LDAH: variants seen among roughly 807,000 people sequenced by gnomAD.
LDAH encodes lipid droplet associated hydrolase.
A neutral mutation model predicts 29.6 loss-of-function variants in LDAH; 26 were observed. That is an observed-to-expected ratio of 0.88 (90% CI 0.64 to 1.22). LDAH has a LOEUF of 1.22. Among genes scored for constraint, LDAH ranks in the 50% most tolerant of loss-of-function variants. LDAH has a pLI of 0.00. For missense variants in LDAH, 344 were observed against 387.3 expected, an observed-to-expected ratio of 0.89 and a Z score of 0.94; for synonymous variants, 117 against 133.0, an observed-to-expected ratio of 0.88 and a Z score of 0.83.
intron 5 of LDAH, among the ~76,000 whole-genome samples, chr2:20,726,908 A>C (rs1270473899): frequency 6.6e-6 from 1 of 152,254 alleles, no homozygotes; most frequent in African/African-American, 2.4e-5. Flanking sequence ...TTTCTTTAGA[A>C]AAAATAAGAT....
At chr2:20,749,546 A>G (rs1273757169) in intron 4 of LDAH, among the ~76,000 whole-genome samples, 3 of 152,228 alleles carry the variant, frequency 2.0e-5, no homozygotes, top group Non-Finnish European at 4.4e-5. Context: ...TATAGGGCAC[A>G]CAGCACAGCC....
At position 20,800,530 on chromosome 2, in the gene LDAH, C is replaced by G. The variant is rs377006041; in HGVS notation, c.154+780G>C. ...TGAATACCTGCAATCGCTCAAGCAT[C>G]TGTCCCTAATTCTATTGACAATGAT... is the stretch of plus-strand genomic sequence containing the variant. On this transcript the variant is annotated intron_variant, in intron 2 of 6. Transcript: ENST00000237822. Among the ~76,000 whole-genome samples, 206 of 152,360 alleles carry G rather than the reference C, an allele frequency of 1.4e-3. 3 individuals are homozygous for G. The South Asian group carries it at 0.037, about 28-fold the overall frequency.
chr2:20,716,862 C>CATACTGTATAGTATT (rs565997497), intron 5 of LDAH, among the ~76,000 whole-genome samples: 2 of 149,212 alleles, frequency 1.3e-5, no homozygotes, highest in Admixed American at 6.7e-5. Context: ...ATTTTTTTTT[C>CATACTGTATAGTATT]CCAGAGCCTC....
chr2:20,695,903 G>T (rs76606020), intron 6 of LDAH, among the ~76,000 whole-genome samples: 8,334 of 152,234 alleles, frequency 0.055, 292 homozygotes, highest in East Asian at 0.13. Flanking sequence ...AACAAGGGTG[G>T]ATTTGGTGTT....
At chr2:20,688,383 G>T (rs149435918) in intron 6 of LDAH, among the ~76,000 whole-genome samples, 1 of 152,334 alleles carries the variant, frequency 6.6e-6, no homozygotes, top group South Asian at 2.1e-4. Context: ...GAGAGGCAGA[G>T]AGGGATGAGG....
At chr2:20,744,873 G>T (rs1667462962) in intron 4 of LDAH, among the ~76,000 whole-genome samples, 1 of 151,968 alleles carries the variant, frequency 6.6e-6, no homozygotes, top group Non-Finnish European at 1.5e-5. Flanking sequence ...TTCTACCATG[G>T]CACTGCTTCC....
chr2:20,783,581 T>C (rs551465498), intron 3 of LDAH, among the ~76,000 whole-genome samples: 4 of 152,350 alleles, frequency 2.6e-5, no homozygotes, highest in Non-Finnish European at 4.4e-5. Context: ...GAAGCCTGCT[T>C]TGTCTAAAAT....
At chr2:20,816,754 C>A (rs1672877747) in intron 1 of LDAH, among the ~76,000 whole-genome samples, 2 of 151,744 alleles carry the variant, frequency 1.3e-5, no homozygotes, top group Non-Finnish European at 2.9e-5. Context: ...AACACTGCAA[C>A]CAATAATAAC....
chr2:20,724,604 T>C (rs1665886590), intron 5 of LDAH, among the ~76,000 whole-genome samples: 1 of 152,170 alleles, frequency 6.6e-6, no homozygotes, highest in African/African-American at 2.4e-5. Context: ...TAAGCCAAGC[T>C]GGCAGGTACT....
At chr2:20,777,708 C>A (rs1481690572) in intron 3 of LDAH, among the ~76,000 whole-genome samples, 1 of 151,998 alleles carries the variant, frequency 6.6e-6, no homozygotes, top group Non-Finnish European at 1.5e-5. Context: ...CCATTCCCAG[C>A]CTATCTTTTT....
chr2:20,689,961 TAC>T (rs1662873271), intron 6 of LDAH, among the ~76,000 whole-genome samples: 1 of 152,230 alleles, frequency 6.6e-6, no homozygotes, highest in Non-Finnish European at 1.5e-5. Flanking sequence ...CCTCATCTAA[TAC>T]AGTTTCCTCA....
chr2:20,783,978 G>A lies in LDAH; in HGVS notation c.298+6277C>T, dbSNP rs1042626153. Among the ~76,000 whole-genome samples the A allele has an allele frequency of 2.0e-5, 3 of 152,170 alleles. No individual in the cohort carries two copies. In the East Asian group the frequency reaches 5.8e-4, roughly 29 times the overall value. On this transcript the variant is annotated intron_variant, in intron 3 of 6. Coordinates refer to ENST00000237822, the MANE Select transcript of LDAH (RefSeq NM_021925.4). ...TCTGTTGACCTCGTCCTCCCAAAGT[G>A]CTGGAATTACGGGCGTGTATAACTG...
chr2:20,748,106 C>T lies in LDAH; in HGVS notation c.469-7901G>A, dbSNP rs529973900. On this transcript the variant is annotated intron_variant, in intron 4 of 6. Transcript: ENST00000237822. ...CATTTAGCTCCAGAAATAATTAAAT[C>T]CATATCCTAAGAAGTAAAGCATGAG... Among the ~76,000 whole-genome samples, 82 of 152,218 alleles carry T rather than the reference C, an allele frequency of 5.4e-4. 1 individual carries two copies. Among genetic ancestry groups the T allele is most frequent in the Middle Eastern group, 3.4e-3 (1 of 294 alleles).
At chr2:20,692,106 T>C (rs527588207) in intron 6 of LDAH, among the ~76,000 whole-genome samples, 3 of 152,324 alleles carry the variant, frequency 2.0e-5, no homozygotes, top group African/African-American at 4.8e-5. Context: ...ATGACTCTGA[T>C]TCCATCCCAT....
At chr2:20,762,110 T>C (rs1668729875) in intron 4 of LDAH, among the ~76,000 whole-genome samples, 1 of 152,136 alleles carries the variant, frequency 6.6e-6, no homozygotes, top group South Asian at 2.1e-4. Flanking sequence ...TTATGTATTA[T>C]AATGTCTTTT....
In LDAH at chr2:20,818,139, G is replaced by A. The variant is rs564263436; in HGVS notation, c.-3+4898C>T. The stretch of plus-strand genomic sequence containing the variant: ...AATATACTCTGTGAATTGTATCAAT[G>A]TCAATTTCCCAGTTTTAATATCGTA... On this transcript the variant is annotated intron_variant, in intron 1 of 6. Coordinates refer to ENST00000237822, the MANE Select transcript of LDAH (RefSeq NM_021925.4). Among the ~76,000 whole-genome samples, 13 of 152,236 alleles carry A rather than the reference G, an allele frequency of 8.5e-5. No homozygotes were observed. In the South Asian group the frequency reaches 2.5e-3, roughly 29 times the overall value.
At chr2:20,795,606 A>C (rs1671252684) in intron 2 of LDAH, among the ~76,000 whole-genome samples, 1 of 152,196 alleles carries the variant, frequency 6.6e-6, no homozygotes, top group South Asian at 2.1e-4. Context: ...AGAAAAAATG[A>C]AACTAAATTA....
chr2:20,816,297 A>T (rs573250438), intron 1 of LDAH, among the ~76,000 whole-genome samples: 3 of 152,238 alleles, frequency 2.0e-5, no homozygotes, highest in Non-Finnish European at 4.4e-5. Context: ...TTAAGTGTAA[A>T]TGATATAACT....
intron 6 of LDAH, among the ~76,000 whole-genome samples, chr2:20,695,889 C>T (rs1049917223): frequency 2.0e-5 from 3 of 152,144 alleles, no homozygotes; most frequent in Non-Finnish European, 4.4e-5. Flanking sequence ...TAAGCAGGGT[C>T]ATGAACAAGG....
Sources: allele counts gnomAD v4.1 joint callset (sites outside exome capture counted in the v4.1 genomes callset), GRCh38; gene constraint gnomAD v4.1.1; transcripts MANE v1.5; gene names NCBI Gene and HGNC (gene_info 2026-07-23, HGNC 2026-07-21).